Variants in HPSE2 observed in about 807,000 individuals in gnomAD.
HPSE2 encodes heparanase 2 (inactive).
In HPSE2, 38 loss-of-function variants were observed where a neutral mutation model predicts 60.5. That is an observed-to-expected ratio of 0.63 (90% CI 0.48 to 0.82). HPSE2 has a LOEUF of 0.82. Among genes scored for constraint, HPSE2 ranks in the 40% least tolerant of loss-of-function variants. HPSE2 has a pLI of 0.00. For missense variants in HPSE2, 713 were observed against 740.4 expected, an observed-to-expected ratio of 0.96 and a Z score of 0.43; for synonymous variants, 295 against 293.2, an observed-to-expected ratio of 1.01 and a Z score of -0.06.
chr10:99,134,764 AC>A (rs1845576663), intron 3 of HPSE2, among the ~76,000 whole-genome samples: 1 of 152,182 alleles, frequency 6.6e-6, no homozygotes, highest in Non-Finnish European at 1.5e-5. Flanking sequence ...CACGGCAAAA[AC>A]ATACCAAATT....
chr10:98,531,235 A>G (rs1425628503), intron 9 of HPSE2, among the ~76,000 whole-genome samples: 1 of 151,704 alleles, frequency 6.6e-6, no homozygotes, highest in Non-Finnish European at 1.5e-5. Context: ...GACAAAAGAA[A>G]TTAGGAAAGA....
intron 3 of HPSE2, among the ~76,000 whole-genome samples, chr10:99,129,223 G>T (rs986853285): frequency 1.5e-4 from 23 of 152,036 alleles, no homozygotes; most frequent in African/African-American, 5.3e-4. Flanking sequence ...CACTAGACAG[G>T]TCATCAATAC....
intron 3 of HPSE2, among the ~76,000 whole-genome samples, chr10:98,877,794 T>C (rs181387797): frequency 3.0e-4 from 45 of 152,008 alleles, no homozygotes; most frequent in African/African-American, 1.0e-3. Flanking sequence ...AGATATGCAA[T>C]GAGGGAGGGT....
chr10:98,467,971 C>T (rs536158409), intron 11 of HPSE2, among the ~76,000 whole-genome samples: 31 of 152,344 alleles, frequency 2.0e-4, no homozygotes, highest in Non-Finnish European at 3.1e-4. Flanking sequence ...CACGACTCGG[C>T]GCTGGGCTCT....
intron 8 of HPSE2, among the ~76,000 whole-genome samples, chr10:98,618,327 C>T (rs1371233086): frequency 2.0e-5 from 3 of 152,112 alleles, no homozygotes; most frequent in African/African-American, 7.2e-5. Context: ...TTCTCTTTTC[C>T]AACTTCCTCC....
chr10:98,713,349 T>A (rs1948718723), intron 5 of HPSE2, among the ~76,000 whole-genome samples: 1 of 151,922 alleles, frequency 6.6e-6, no homozygotes, highest in Non-Finnish European at 1.5e-5. Flanking sequence ...GGCAACTGAG[T>A]GAACAGATAG....
chr10:99,148,258 A>G (rs1295513395), intron 2 of HPSE2, among the ~76,000 whole-genome samples: 1 of 152,236 alleles, frequency 6.6e-6, no homozygotes, highest in Non-Finnish European at 1.5e-5. Flanking sequence ...AAAGTGGCAG[A>G]CAAAACACCT....
At chr10:99,095,654 G>T (rs1843694680) in intron 3 of HPSE2, among the ~76,000 whole-genome samples, 1 of 152,138 alleles carries the variant, frequency 6.6e-6, no homozygotes, top group Non-Finnish European at 1.5e-5. Context: ...ACACAATAAT[G>T]TAACCATTTG....
At chr10:99,000,979 T>C (rs1956765188) in intron 3 of HPSE2, among the ~76,000 whole-genome samples, 1 of 152,118 alleles carries the variant, frequency 6.6e-6, no homozygotes, top group South Asian at 2.1e-4. Context: ...ATATGAGTAA[T>C]AGACTTGTCC....
chr10:99,290,722 C>T, the HPSE2 span, among the ~76,000 whole-genome samples: 3 of 152,134 alleles, frequency 2.0e-5, no homozygotes, highest in Admixed American at 2.0e-4. Flanking sequence ...GTGTGGAGAA[C>T]AACAATTTCT....
intron 9 of HPSE2, among the ~76,000 whole-genome samples, chr10:98,572,354 G>T (rs1944522059): frequency 6.6e-6 from 1 of 152,006 alleles, no homozygotes; most frequent in Admixed American, 6.6e-5. Context: ...TTATTCCCTG[G>T]GGATAGCATC....
chr10:98,472,941 C>A (rs1261874237), intron 11 of HPSE2, among the ~76,000 whole-genome samples: 1 of 152,048 alleles, frequency 6.6e-6, no homozygotes, highest in Non-Finnish European at 1.5e-5. Context: ...CAGACTAATA[C>A]CCCAACAGAA....
chr10:98,526,014 A>T (rs1387596173), intron 9 of HPSE2, among the ~76,000 whole-genome samples: 1 of 152,246 alleles, frequency 6.6e-6, no homozygotes, highest in African/African-American at 2.4e-5. Context: ...CCAACGTTAC[A>T]TATACCCTCG....
At chr10:98,978,095 A>T (rs1956126937) in intron 3 of HPSE2, among the ~76,000 whole-genome samples, 1 of 152,122 alleles carries the variant, frequency 6.6e-6, no homozygotes, top group Non-Finnish European at 1.5e-5. Context: ...CAGGATTTGA[A>T]ACACGCTTAA....
intron 3 of HPSE2, among the ~76,000 whole-genome samples, chr10:99,136,395 C>G (rs1845654933): frequency 6.6e-6 from 1 of 152,118 alleles, no homozygotes; most frequent in African/African-American, 2.4e-5. Context: ...TTTTATGAGC[C>G]CAGCATCATC....
intron 9 of HPSE2, among the ~76,000 whole-genome samples, chr10:98,492,835 A>C (rs1311952201): frequency 1.3e-5 from 2 of 152,214 alleles, no homozygotes; most frequent in South Asian, 2.1e-4. Context: ...ACATAACATA[A>C]AATTTACCAT....
In HPSE2 at chr10:98,482,581, C is replaced by G. The variant is rs1322081013; in HGVS notation, c.1613+55G>C. Reference sequence around the variant, plus strand: ...GCAACCTTGGTGTCTTCAGCCTCCCCCTCCCTCAGCTCCTGCTGCACTTGC... The same window carrying G: ...GCAACCTTGGTGTCTTCAGCCTCCCGCTCCCTCAGCTCCTGCTGCACTTGC... On this transcript the variant is annotated intron_variant, in intron 11 of 11. Transcript: ENST00000370552. 6.2e-6 allele frequency: 10 copies of G among 1,610,220 alleles called. No homozygotes were observed. In the South Asian group the frequency reaches 8.8e-5, roughly 14 times the overall value.
intron 6 of HPSE2, among the ~76,000 whole-genome samples, chr10:98,669,966 G>A (rs1017491423): frequency 2.6e-5 from 4 of 152,208 alleles, no homozygotes; most frequent in Non-Finnish European, 4.4e-5. Context: ...AGGAGGCCAG[G>A]AAAGGCCACT....
intron 3 of HPSE2, among the ~76,000 whole-genome samples, chr10:98,970,158 C>T (rs1465002216): frequency 6.6e-6 from 1 of 152,146 alleles, no homozygotes; most frequent in Non-Finnish European, 1.5e-5. Flanking sequence ...GATGGGGTTT[C>T]ACCACGTTGG....
Sources: gnomAD v4.1 joint callset for allele counts (sites outside exome capture counted in the v4.1 genomes callset) on GRCh38, gnomAD v4.1.1 for gene constraint, MANE v1.5 for transcripts, NCBI Gene and HGNC (gene_info 2026-07-23, HGNC 2026-07-21) for gene names.